SGCZ: variants seen among roughly 807,000 people sequenced by gnomAD.
The protein encoded by SGCZ is sarcoglycan zeta.
A neutral mutation model predicts 41.3 loss-of-function variants in SGCZ; 40 were observed. The observed-to-expected ratio is 0.97, with a 90% CI of 0.75 to 1.26. The LOEUF (loss-of-function observed/expected upper bound fraction) is 1.26, where lower values mean the gene tolerates loss of function less well. SGCZ is among the 50% of genes most tolerant of loss of function. The pLI is 0.00. For synonymous variants in SGCZ, 206 were observed against 137.5 expected, an observed-to-expected ratio of 1.50 and a Z score of -3.49; for missense variants, 552 against 369.8, an observed-to-expected ratio of 1.49 and a Z score of -4.04.
chr8:14,180,653 TTAAAA>T (rs1180804911), intron 4 of SGCZ, among the ~76,000 whole-genome samples: 2 of 152,006 alleles, frequency 1.3e-5, no homozygotes, highest in Non-Finnish European at 2.9e-5. Flanking sequence ...GGATACAAAC[TTAAAA>T]TAAGTCACCT....
chr8:14,637,037 C>A (rs940740499), intron 1 of SGCZ, among the ~76,000 whole-genome samples: 4 of 151,702 alleles, frequency 2.6e-5, no homozygotes, highest in Non-Finnish European at 5.9e-5. Flanking sequence ...TCATTGCAAT[C>A]TCCTATTTTT....
At chr8:14,567,156 C>G (rs960587575) in intron 1 of SGCZ, among the ~76,000 whole-genome samples, 2 of 152,314 alleles carry the variant, frequency 1.3e-5, no homozygotes, top group South Asian at 2.1e-4. Flanking sequence ...TCGGAGCCCC[C>G]CCAGGGAGTC....
Position 14,467,869 on chromosome 8 carries a change from C to T in SGCZ, c.234+86863G>A, listed in dbSNP as rs575730281. Among the ~76,000 whole-genome samples the T allele has an allele frequency of 2.0e-5, 3 of 152,154 alleles. No individual in the cohort carries two copies. In the South Asian group the frequency reaches 6.2e-4, roughly 32 times the overall value. ...GATCCTACTGATGCAAAGTCATTCT[C>T]TGAGAGTAAACTGCACACATGCTAA... On this transcript the variant is annotated intron_variant, in intron 2 of 7. Transcript: ENST00000382080.
intron 2 of SGCZ, among the ~76,000 whole-genome samples, chr8:14,419,012 CTG>C (rs1242580341): frequency 1.3e-5 from 2 of 151,956 alleles, no homozygotes; most frequent in African/African-American, 4.8e-5. Context: ...ACAATCTCAC[CTG>C]TGTGTTAATA....
At chr8:14,290,158 A>G (rs960383479) in intron 3 of SGCZ, among the ~76,000 whole-genome samples, 1 of 152,050 alleles carries the variant, frequency 6.6e-6, no homozygotes, top group African/African-American at 2.4e-5. Context: ...AACAAAATTA[A>G]ACCTTATCTT....
chr8:14,620,969 G>A (rs1806264900), intron 1 of SGCZ, among the ~76,000 whole-genome samples: 1 of 152,050 alleles, frequency 6.6e-6, no homozygotes, highest in South Asian at 2.1e-4. Context: ...AAATCATGCT[G>A]CTGTAAAGAC....
chr8:14,388,315 G>A (rs1211706114), intron 2 of SGCZ, among the ~76,000 whole-genome samples: 1 of 152,104 alleles, frequency 6.6e-6, no homozygotes, highest in Non-Finnish European at 1.5e-5. Context: ...AGGTGCTGAG[G>A]CCTAGGAGCT....
chr8:14,209,651 A>G (rs942151025), intron 4 of SGCZ, among the ~76,000 whole-genome samples: 1 of 152,182 alleles, frequency 6.6e-6, no homozygotes, highest in Non-Finnish European at 1.5e-5. Flanking sequence ...GCAAATGTAC[A>G]TTCAATATAA....
chr8:15,031,902 CCTCTCTCTCT>C (rs751690018), intron 1 of SGCZ, among the ~76,000 whole-genome samples: 72 of 130,856 alleles, frequency 5.5e-4, no homozygotes, highest in South Asian at 1.1e-3. Flanking sequence ...CCTCTATATT[CCTCTCTCTCT>C]CTCTCTCTCT....
intron 1 of SGCZ, among the ~76,000 whole-genome samples, chr8:14,873,326 A>T (rs1177201403): frequency 3.9e-5 from 6 of 152,138 alleles, no homozygotes; most frequent in African/African-American, 1.4e-4. Context: ...CAATTGCCTT[A>T]ACAGAGTAAT....
chr8:15,012,777 ATATT>A (rs1286990939), intron 1 of SGCZ, among the ~76,000 whole-genome samples: 19 of 148,834 alleles, frequency 1.3e-4, no homozygotes, highest in Non-Finnish European at 2.7e-4. Flanking sequence ...ATGTAGGTAT[ATATT>A]TATTTATGTG....
At chr8:14,757,891 CTG>C (rs1799729223) in intron 1 of SGCZ, among the ~76,000 whole-genome samples, 1 of 152,140 alleles carries the variant, frequency 6.6e-6, no homozygotes, top group Non-Finnish European at 1.5e-5. Context: ...AGACAATATA[CTG>C]TCTTATACTA....
At chr8:14,687,335 C>T (rs961063487) in intron 1 of SGCZ, among the ~76,000 whole-genome samples, 5 of 91,468 alleles carry the variant, frequency 5.5e-5, no homozygotes, top group Admixed American at 3.0e-4. Context: ...CTAAAGCTAT[C>T]CCTCCCCCCT....
At chr8:14,484,356 T>A (rs1294258387) in intron 2 of SGCZ, among the ~76,000 whole-genome samples, 2 of 152,188 alleles carry the variant, frequency 1.3e-5, no homozygotes, top group Non-Finnish European at 2.9e-5. Context: ...GACTCCGAAA[T>A]AGTGACCACA....
At chr8:14,535,330 C>T (rs1803260429) in intron 2 of SGCZ, among the ~76,000 whole-genome samples, 1 of 151,668 alleles carries the variant, frequency 6.6e-6, no homozygotes, top group South Asian at 2.1e-4. Flanking sequence ...AAAAAGTCTG[C>T]TTGCTTTCTC....
At chr8:14,549,376 A>T (rs1403377629) in intron 2 of SGCZ, among the ~76,000 whole-genome samples, 1 of 152,062 alleles carries the variant, frequency 6.6e-6, no homozygotes, top group Non-Finnish European at 1.5e-5. Flanking sequence ...GAGTAATGCC[A>T]CTTTGTTCAT....
At chr8:14,512,647 GT>G (rs1585615481) in intron 2 of SGCZ, among the ~76,000 whole-genome samples, 1 of 150,994 alleles carries the variant, frequency 6.6e-6, no homozygotes, top group East Asian at 2.0e-4. Flanking sequence ...ATTTTATTTT[GT>G]GGAGACTTGG....
At chr8:15,163,950 C>T (rs769269039) in intron 1 of SGCZ, among the ~76,000 whole-genome samples, 9 of 152,210 alleles carry the variant, frequency 5.9e-5, no homozygotes, top group Non-Finnish European at 8.8e-5. Context: ...AAGTTCAGGA[C>T]GTTTACAGGG....
intron 2 of SGCZ, among the ~76,000 whole-genome samples, chr8:14,379,711 C>T (rs1028806675): frequency 6.6e-6 from 1 of 151,882 alleles, no homozygotes; most frequent in Non-Finnish European, 1.5e-5. Context: ...TCCTACCCTA[C>T]AATATATTGA....
Sources: allele counts gnomAD v4.1 joint callset (sites outside exome capture counted in the v4.1 genomes callset), GRCh38; gene constraint gnomAD v4.1.1; transcripts MANE v1.5; gene names NCBI Gene and HGNC (gene_info 2026-07-23, HGNC 2026-07-21).